PLXNA4: variants seen among roughly 807,000 people sequenced by gnomAD.
PLXNA4 encodes plexin-A4.
PLXNA4 carries 44 observed loss-of-function variants against 191.8 expected under a neutral mutation model. The observed-to-expected ratio is 0.23, with a 90% CI of 0.18 to 0.29. PLXNA4 has a LOEUF of 0.29. Among genes scored for constraint, PLXNA4 ranks in the 10% least tolerant of loss-of-function variants. The probability of loss-of-function intolerance (pLI) is 1.00; values close to 1 mark genes in which losing one functional copy is unlikely to be tolerated. For synonymous variants in PLXNA4, 1,082 were observed against 1,009.5 expected (o/e 1.07, Z -1.36); for missense variants, 1,800 against 2,488.8 (o/e 0.72, Z 5.89).
intron 2 of PLXNA4, among the ~76,000 whole-genome samples, chr7:132,625,346 T>C (rs746505909): frequency 6.6e-5 from 10 of 152,186 alleles, no homozygotes; most frequent in Non-Finnish European, 1.3e-4. Flanking sequence ...CTGACATTTG[T>C]GTCCTTAAAA....
At chr7:132,200,371 T>C (rs1482688153) in intron 12 of PLXNA4, among the ~76,000 whole-genome samples, 2 of 151,970 alleles carry the variant, frequency 1.3e-5, no homozygotes, top group Non-Finnish European at 2.9e-5. Flanking sequence ...AGGTGAGCGG[T>C]GGGGACTGGG....
intron 5 of PLXNA4, among the ~76,000 whole-genome samples, chr7:132,233,897 G>A (rs1562982722): frequency 6.8e-6 from 1 of 147,644 alleles, no homozygotes. Flanking sequence ...ACCTGTAAAT[G>A]TTCGTTTTTT....
At chr7:132,401,845 G>T (rs1793999622) in intron 3 of PLXNA4, among the ~76,000 whole-genome samples, 1 of 152,140 alleles carries the variant, frequency 6.6e-6, no homozygotes, top group Non-Finnish European at 1.5e-5. Context: ...CCTGCAAATT[G>T]CCAAGAGCAA....
At chr7:132,161,181 C>T (rs73725834) in intron 24 of PLXNA4, among the ~76,000 whole-genome samples, 1 of 152,244 alleles carries the variant, frequency 6.6e-6, no homozygotes, top group Non-Finnish European at 1.5e-5. Context: ...CCCAAGACAG[C>T]AACACAGCTT....
At chr7:132,388,608 G>A (rs1300059946) in intron 3 of PLXNA4, among the ~76,000 whole-genome samples, 1 of 152,116 alleles carries the variant, frequency 6.6e-6, no homozygotes, top group African/African-American at 2.4e-5. Flanking sequence ...CCAACTAAGG[G>A]GTTCCAGCTG....
rs538145545 is a variant in PLXNA4 at position 132,146,372 on chromosome 7, G to A, written c.5055+138C>T. On this transcript the variant is annotated intron_variant, in intron 28 of 31. Transcript: ENST00000321063. Reference sequence around the variant, plus strand: ...TGAGGTTCGGTACGGGGAATGGTCAGCAGTGCCTCCTGGGGTGGGTAATAG... The same window carrying A: ...TGAGGTTCGGTACGGGGAATGGTCAACAGTGCCTCCTGGGGTGGGTAATAG... 1.4e-3 allele frequency: 2,006 copies of A among 1,400,934 alleles called. 40 individuals carry two copies. The South Asian group carries it at 0.024, about 17-fold the overall frequency. 86.8% of individuals were successfully genotyped at this position (1,400,934 alleles called of 1,614,324 possible).
At chr7:132,392,128 C>CA (rs1302506850) in intron 3 of PLXNA4, among the ~76,000 whole-genome samples, 1,355 of 132,866 alleles carry the variant, frequency 0.01, 3 homozygotes, top group African/African-American at 0.012. Flanking sequence ...AACTTGGTCT[C>CA]AAAAAAAAAA....
At chr7:132,278,662 G>A (rs1400348510) in intron 4 of PLXNA4, among the ~76,000 whole-genome samples, 1 of 152,174 alleles carries the variant, frequency 6.6e-6, no homozygotes, top group African/African-American at 2.4e-5. Flanking sequence ...AGAATGGTTT[G>A]CAAGAAGCAT....
At chr7:132,589,576 T>C (rs1371408702) in intron 2 of PLXNA4, among the ~76,000 whole-genome samples, 1 of 152,088 alleles carries the variant, frequency 6.6e-6, no homozygotes, top group Non-Finnish European at 1.5e-5. Flanking sequence ...CTCAGGTGAG[T>C]AGACACCTCA....
chr7:132,485,853 G>A (rs993334167), intron 3 of PLXNA4, among the ~76,000 whole-genome samples: 6 of 151,988 alleles, frequency 3.9e-5, no homozygotes, highest in Non-Finnish European at 8.8e-5. Context: ...CTTTCCCCCC[G>A]CTTCATGTGA....
intron 1 of PLXNA4, among the ~76,000 whole-genome samples, chr7:132,559,546 TC>T (rs946365872): frequency 6.6e-6 from 1 of 152,152 alleles, no homozygotes; most frequent in African/African-American, 2.4e-5. Context: ...CTGGGGCCTC[TC>T]CCCATCCCCA....
chr7:132,455,224 C>T (rs1796269615), intron 3 of PLXNA4, among the ~76,000 whole-genome samples: 1 of 152,186 alleles, frequency 6.6e-6, no homozygotes, highest in African/African-American at 2.4e-5. Context: ...GAAAATAAAG[C>T]ATGAAGCCCA....
At position 132,127,899 on chromosome 7, in the gene PLXNA4, AT is replaced by A. The variant is rs1794815902; in HGVS notation, c.*2579del. 3.4e-4 allele frequency: 2 copies of A among 5,858 alleles called. No individual in the cohort carries two copies. The highest frequency in any genetic ancestry group is 0.026 in the South Asian group (2 of 78). The allele number at this position is 5,858 out of a possible 1,614,324, so 0.4% of individuals were successfully genotyped here. On this transcript the variant is annotated 3_prime_UTR_variant, in exon 32 of 32. Transcript: ENST00000321063. Reference sequence around the variant, plus strand: ...CGCCAAAGTAACAATAACAATAATCATCATCCAGTAAAAAATAAAAGCTTCA... The same window carrying A: ...CGCCAAAGTAACAATAACAATAATCACATCCAGTAAAAAATAAAAGCTTCA...
At chr7:132,380,014 G>T (rs1804823556) in intron 3 of PLXNA4, among the ~76,000 whole-genome samples, 1 of 152,098 alleles carries the variant, frequency 6.6e-6, no homozygotes, top group East Asian at 1.9e-4. Context: ...TATAACAGTG[G>T]CTTAATATAA....
chr7:132,499,272 C>A (rs895063229), intron 2 of PLXNA4, among the ~76,000 whole-genome samples: 1 of 152,264 alleles, frequency 6.6e-6, no homozygotes, highest in African/African-American at 2.4e-5. Flanking sequence ...CAGACAGGGC[C>A]ATGCCCTGGG....
chr7:132,562,482 T>G (rs559675987), intron 1 of PLXNA4, among the ~76,000 whole-genome samples: 6 of 122,010 alleles, frequency 4.9e-5, no homozygotes, highest in African/African-American at 2.0e-4. Flanking sequence ...CTCCTCCTCC[T>G]TCTCTTCCTC....
chr7:132,273,322 C>G (rs1383700739), intron 4 of PLXNA4, among the ~76,000 whole-genome samples: 1 of 150,826 alleles, frequency 6.6e-6, no homozygotes, highest in Non-Finnish European at 1.5e-5. Flanking sequence ...CATTGGTTTT[C>G]AACACACACA....
chr7:132,644,690 G>C (rs1441533538), intron 2 of PLXNA4, among the ~76,000 whole-genome samples: 1 of 152,206 alleles, frequency 6.6e-6, no homozygotes, highest in East Asian at 1.9e-4. Context: ...TATTTAAAGA[G>C]GAAGATGATG....
intron 2 of PLXNA4, among the ~76,000 whole-genome samples, chr7:132,612,767 T>C (rs1273863400): frequency 1.3e-5 from 2 of 152,092 alleles, no homozygotes; most frequent in Admixed American, 1.3e-4. Flanking sequence ...GGAGGGCCTG[T>C]CCTGTGTATT....
Sources: allele counts gnomAD v4.1 joint callset (sites outside exome capture counted in the v4.1 genomes callset), GRCh38; gene constraint gnomAD v4.1.1; transcripts MANE v1.5; gene names NCBI Gene and HGNC (gene_info 2026-07-23, HGNC 2026-07-21).